LRIG1: variants seen among roughly 807,000 people sequenced by gnomAD.
The protein encoded by LRIG1 is leucine rich repeats and immunoglobulin like domains 1, also known as leucine-rich repeats and immunoglobulin-like domains protein 1.
Under a neutral mutation model 99.2 loss-of-function variants are expected in LRIG1, and 48 were observed. That is an observed-to-expected ratio of 0.48 (90% CI 0.38 to 0.62). LRIG1 has a LOEUF of 0.62. LRIG1 is among the 20% of genes least tolerant of loss of function. The pLI, the probability that LRIG1 is intolerant of heterozygous loss-of-function variation, is 0.00. For missense variants in LRIG1, 1,646 were observed against 1,434.4 expected, an observed-to-expected ratio of 1.15 and a Z score of -2.38; for synonymous variants, 772 against 596.1, an observed-to-expected ratio of 1.29 and a Z score of -4.30.
rs1366401153 is a variant in LRIG1, at chr3:66,500,950, C to T, written c.-543G>A. 6.6e-6 allele frequency: 1 copy of T among 151,876 alleles called. No homozygotes were observed. The highest frequency in any genetic ancestry group is 1.5e-5 in the Non-Finnish European group (1 of 67,992). 9.4% of individuals were successfully genotyped at this position (151,876 alleles called of 1,614,324 possible). On this transcript the variant is annotated 5_prime_UTR_variant, in exon 1 of 19. Transcript: ENST00000273261. Reference sequence around the variant, plus strand: ...CAGAGAGCGCGCGCGCGCGCGCAGCCTCGGGTTCCGCACGGCTCCTCCGCG... The same window carrying T: ...CAGAGAGCGCGCGCGCGCGCGCAGCTTCGGGTTCCGCACGGCTCCTCCGCG...
chr3:66,418,629 T>A (rs1472244209), intron 3 of LRIG1, among the ~76,000 whole-genome samples: 1 of 152,186 alleles, frequency 6.6e-6, no homozygotes, highest in Non-Finnish European at 1.5e-5. Context: ...CTCGAGCCAG[T>A]TCTGAATAAA....
At position 66,414,836 on chromosome 3, in the gene LRIG1, G is replaced by A. The variant is rs1340643799; in HGVS notation, c.647+84C>T. 17 of 1,297,462 alleles carry A rather than the reference G, an allele frequency of 1.3e-5. No homozygotes were observed. The East Asian group carries it at 2.0e-4, about 15-fold the overall frequency. 80.4% of individuals were successfully genotyped at this position (1,297,462 alleles called of 1,614,324 possible). A position where few individuals can be genotyped will look rare whatever the true frequency, so the allele number is the denominator to read the frequency against. On this transcript the variant is annotated intron_variant, in intron 5 of 18. Transcript: ENST00000273261. ...TTACCAAATGGAGCAAGGAAAGGGT[G>A]GCGTTTGGTACGAGGTCCTTGGGGA...
chr3:66,398,299 C>T (rs1701932128), intron 10 of LRIG1, 116 bp from the exon 11 acceptor site: 1 of 739,924 alleles, frequency 1.4e-6, no homozygotes, highest in African/African-American at 1.8e-5. Context: ...TGTGTCCTAA[C>T]TACTATAAGT....
chr3:66,381,218 C>G (rs889414694), intron 17 of LRIG1, among the ~76,000 whole-genome samples: 3 of 152,172 alleles, frequency 2.0e-5, no homozygotes, highest in African/African-American at 4.8e-5. Flanking sequence ...AAACTCTATA[C>G]TTCGTTTGTG....
chr3:66,411,603 G>C (rs1702463614), intron 6 of LRIG1, among the ~76,000 whole-genome samples: 1 of 152,190 alleles, frequency 6.6e-6, no homozygotes, highest in Non-Finnish European at 1.5e-5. Context: ...ACAGAGTAGG[G>C]AGGGCTGGTC....
At chr3:66,450,931 G>A (rs1343008460) in intron 3 of LRIG1, among the ~76,000 whole-genome samples, 1 of 152,146 alleles carries the variant, frequency 6.6e-6, no homozygotes, top group Non-Finnish European at 1.5e-5. Flanking sequence ...AATAGGGGTA[G>A]GATCAGTGCT....
chr3:66,497,704 C>CCA (rs1553727956), intron 1 of LRIG1, among the ~76,000 whole-genome samples: 2 of 89,266 alleles, frequency 2.2e-5, no homozygotes, highest in African/African-American at 9.5e-5. Context: ...GCACTGTTTA[C>CCA]AAAAAAAAAA....
rs780644174 is a variant in LRIG1, at chr3:66,500,328, C to A, written c.80G>T (p.Arg27Leu). 2 of 1,494,976 alleles carry A rather than the reference C, an allele frequency of 1.3e-6. No individual in the cohort carries two copies. The highest frequency in any genetic ancestry group is 1.3e-5 in the South Asian group (1 of 79,258). The allele number at this position is 1,494,976 out of a possible 1,614,324, so 92.6% of individuals were successfully genotyped here. A position where few individuals can be genotyped will look rare whatever the true frequency, so the allele number is the denominator to read the frequency against. The change falls in exon 1 of 19, where the codon CGG becomes CTG. Residue 27 changes from arginine (R) to leucine (L), a missense_variant. Transcript: ENST00000273261. Reference protein sequence around the residue: ...CLLLLWLLLLRLEPVTAAAGP... With the variant: ...CLLLLWLLLLLLEPVTAAAGP... ...GGCCGCGGCGGTCACCGGCTCCAGC[C>A]GAAGCAAAAGCAGCCAGAGAAGGAG...
At chr3:66,457,855 A>G (rs1700265782) in intron 2 of LRIG1, among the ~76,000 whole-genome samples, 6 of 152,212 alleles carry the variant, frequency 3.9e-5, no homozygotes, top group Admixed American at 3.9e-4. Flanking sequence ...GATGGTGTGG[A>G]CCAGGATTAT....
intron 12 of LRIG1, among the ~76,000 whole-genome samples, chr3:66,392,474 TGTCC>T (rs1354126100): frequency 1.3e-5 from 2 of 152,178 alleles, no homozygotes; most frequent in Non-Finnish European, 2.9e-5. Context: ...GGATTCTAGC[TGTCC>T]TAGTGGATGT....
intron 13 of LRIG1, among the ~76,000 whole-genome samples, chr3:66,384,589 C>T (rs1196721946): frequency 6.6e-6 from 1 of 151,968 alleles, no homozygotes; most frequent in African/African-American, 2.4e-5. Flanking sequence ...ACTAGGTAGG[C>T]CTGATGCTTG....
At chr3:66,417,827 G>A (rs905514375) in intron 3 of LRIG1, among the ~76,000 whole-genome samples, 8 of 151,780 alleles carry the variant, frequency 5.3e-5, no homozygotes, top group African/African-American at 1.9e-4. Context: ...ACAAAATCCT[G>A]ACAATGTAAA....
At chr3:66,463,037 G>A (rs953655004) in intron 1 of LRIG1, among the ~76,000 whole-genome samples, 1 of 152,182 alleles carries the variant, frequency 6.6e-6, no homozygotes, top group Non-Finnish European at 1.5e-5. Context: ...ACTGGTGGCA[G>A]GGAGTGGGGG....
At chr3:66,469,424 T>C (rs573380130) in intron 1 of LRIG1, among the ~76,000 whole-genome samples, 1 of 152,200 alleles carries the variant, frequency 6.6e-6, no homozygotes. Flanking sequence ...TACAGCTATA[T>C]ATGGACCCAG....
chr3:66,411,670 G>T (rs1559785225), intron 6 of LRIG1, among the ~76,000 whole-genome samples: 1 of 152,154 alleles, frequency 6.6e-6, no homozygotes, highest in Non-Finnish European at 1.5e-5. Flanking sequence ...CCTGGGCCTA[G>T]CTCGTTTCCA....
At chr3:66,478,395 G>A (rs1176859311) in intron 1 of LRIG1, among the ~76,000 whole-genome samples, 3 of 152,152 alleles carry the variant, frequency 2.0e-5, no homozygotes, top group Admixed American at 6.5e-5. Context: ...AGAAAGCAGT[G>A]TCCTGGATAC....
At chr3:66,460,826 T>C (rs553835731) in intron 2 of LRIG1, among the ~76,000 whole-genome samples, 1 of 152,318 alleles carries the variant, frequency 6.6e-6, no homozygotes, top group South Asian at 2.1e-4. Context: ...AGAAACCATT[T>C]CCAAGGCCCC....
At chr3:66,487,231 G>A (rs529359709) in intron 1 of LRIG1, among the ~76,000 whole-genome samples, 32 of 152,242 alleles carry the variant, frequency 2.1e-4, no homozygotes, top group African/African-American at 7.5e-4. Flanking sequence ...TCTCATTGAG[G>A]GGCCACACTG....
At chr3:66,458,372 T>G (rs902926759) in intron 2 of LRIG1, among the ~76,000 whole-genome samples, 3 of 152,092 alleles carry the variant, frequency 2.0e-5, no homozygotes, top group African/African-American at 7.2e-5. Context: ...GCTGAGAAAA[T>G]GCTTACAAAG....
Sources: gnomAD v4.1 joint callset for allele counts (sites outside exome capture counted in the v4.1 genomes callset) on GRCh38, gnomAD v4.1.1 for gene constraint, MANE v1.5 for transcripts, NCBI Gene and HGNC (gene_info 2026-07-23, HGNC 2026-07-21) for gene names.